PRKCG: variants seen among roughly 807,000 people sequenced by gnomAD.
The protein encoded by PRKCG is protein kinase C gamma.
PRKCG carries 28 observed loss-of-function variants against 82.0 expected under a neutral mutation model. The observed-to-expected ratio is 0.34, with a 90% confidence interval of 0.25 to 0.47. PRKCG has a LOEUF of 0.47. Ranked by LOEUF, PRKCG falls within the 20% of genes least tolerant of loss-of-function variation. The pLI is 1.00. For synonymous variants in PRKCG, 383 were observed against 376.6 expected (o/e 1.02, Z -0.20); for missense variants, 640 against 952.7 (o/e 0.67, Z 4.32).
Position 53,906,389 on chromosome 19 carries a change from T to C in PRKCG, c.1837T>C (p.Phe613Leu). Reference sequence around the variant, plus strand: ...GGAACCTACCATCCGTGCACATGGCTTTTTCCGCTGGATTGACTGGGAGCG... The same window carrying C: ...GGAACCTACCATCCGTGCACATGGCCTTTTCCGCTGGATTGACTGGGAGCG... ...DGEPTIRAHG[F>L]FRWIDWERLE... Residue 613 changes from phenylalanine (F) to leucine (L), a missense_variant, in exon 17 of 18, where the codon TTT becomes CTT. This residue lies in a region of PRKCG where 198 missense variants were observed against 273.4 expected (regional missense o/e 0.72). Coordinates refer to ENST00000263431, the MANE Select transcript of PRKCG (RefSeq NM_002739.5). The C allele has an allele frequency of 6.4e-7, 1 of 1,564,346 alleles. No homozygotes were observed. The highest frequency in any genetic ancestry group is 8.7e-7 in the Non-Finnish European group (1 of 1,153,500).
intron 3 of PRKCG, among the ~76,000 whole-genome samples, chr19:53,887,921 C>T (rs891007933): frequency 6.6e-6 from 1 of 151,634 alleles, no homozygotes; most frequent in African/African-American, 2.4e-5. Context: ...CCCCACTTTT[C>T]AAGCGGTAAA....
intron 15 of PRKCG, among the ~76,000 whole-genome samples, chr19:53,903,836 A>G (rs1332808108): frequency 6.6e-6 from 1 of 152,228 alleles, no homozygotes; most frequent in Non-Finnish European, 1.5e-5. Context: ...ACTAAATTCA[A>G]TGTATACAGT....
intron 5 of PRKCG, among the ~76,000 whole-genome samples, chr19:53,890,595 T>G (rs1420082638): frequency 2.0e-5 from 3 of 151,586 alleles, no homozygotes. Context: ...TATGTTTATT[T>G]TTTTGAGATG....
At position 53,906,337 on chromosome 19, in the gene PRKCG, G is replaced by A. The variant is rs1304434902; in HGVS notation, c.1785G>A (p.Gly595=). ...CACAGTTCCTGACCAAGCACCCAGGGAAGCGCCTGGGCTCAGGGCCTGATG... is the reference window on the plus strand; with the variant it reads ...CACAGTTCCTGACCAAGCACCCAGGAAAGCGCCTGGGCTCAGGGCCTGATG... ...ICKGFLTKHP[G]KRLGSGPDGE... is the part of the protein sequence containing the mutation. Residue 595 remains glycine (G), a synonymous_variant, in exon 17 of 18, where the codon GGG becomes GGA. Transcript: ENST00000263431. The A allele has an allele frequency of 6.4e-7, 1 of 1,551,538 alleles. No individual in the cohort carries two copies. Among genetic ancestry groups the A allele is most frequent in the South Asian group, 1.2e-5 (1 of 84,062 alleles).
rs1171032240 is a variant in PRKCG, at chr19:53,906,796, C to T, written c.1995C>T (p.Ile665=). ...CAGACCGCCTAGTCCTGGCCAGCAT[C>T]GACCAGGCCGATTTCCAGGGCTTCA... The part of the protein sequence containing the change: ...TPPDRLVLAS[I]DQADFQGFTY... The change falls in exon 18 of 18, where the codon ATC becomes ATT. Residue 665 remains isoleucine (I), a synonymous_variant. Coordinates refer to ENST00000263431, the MANE Select transcript of PRKCG (RefSeq NM_002739.5). The T allele has an allele frequency of 6.2e-7, 1 of 1,613,738 alleles. No individual in the cohort carries two copies. The highest frequency in any genetic ancestry group is 1.1e-5 in the South Asian group (1 of 91,082).
At chr19:53,906,262 A>G (rs1317915877) in intron 16 of PRKCG, 55 bp from the exon 17 acceptor site, 1 of 1,545,910 alleles carries the variant, frequency 6.5e-7, no homozygotes, top group Non-Finnish European at 8.7e-7. Flanking sequence ...CTCTGGGTCT[A>G]CCTGTCCGGC....
Position 53,900,198 on chromosome 19 carries a change from G to T in PRKCG, c.1282-35G>T. The T allele has an allele frequency of 1.9e-6, 3 of 1,584,108 alleles. No individual in the cohort carries two copies. The highest frequency in any genetic ancestry group is 2.6e-6 in the Non-Finnish European group (3 of 1,152,838). The stretch of plus-strand genomic sequence containing the variant: ...AGAAATTCTCCTACTCTGGGTAGAT[G>T]GATCCCGCCTCTAAGCCCATGCACT... On this transcript the variant is annotated intron_variant, in intron 11 of 17. Coordinates refer to ENST00000263431, the MANE Select transcript of PRKCG (RefSeq NM_002739.5). The surrounding 1 kb of genome is among the most constrained non-coding windows in gnomAD (Gnocchi z 4.2).
intron 14 of PRKCG, among the ~76,000 whole-genome samples, 170 bp from the exon 15 acceptor site, chr19:53,902,903 A>AG (rs1568761819): frequency 2.6e-5 from 4 of 151,132 alleles, no homozygotes; most frequent in Non-Finnish European, 1.5e-5. Context: ...AAAAAAAAAA[A>AG]AAAAAAAAAA....
rs1599938390 is a variant in PRKCG at position 53,884,036 on chromosome 19, A to G, written c.203-125A>G. 1.1e-6 allele frequency: 1 copy of G among 891,744 alleles called. No individual in the cohort carries two copies. Among genetic ancestry groups the G allele is most frequent in the Non-Finnish European group, 1.8e-6 (1 of 551,066 alleles). The allele number at this position is 891,744 out of a possible 1,614,324, so 55.2% of individuals were successfully genotyped here. ...TCTCTGTTGGACTCTCTGTGTTGAG[A>G]TCCCTCTCTTTCTGGTTTTCTCAGT... On this transcript the variant is annotated intron_variant, in intron 2 of 17. Coordinates refer to ENST00000263431, the MANE Select transcript of PRKCG (RefSeq NM_002739.5). The surrounding 1 kb of genome is among the most constrained non-coding windows in gnomAD (Gnocchi z 4.6).
At chr19:53,895,487 CA>C (rs760577483) in intron 9 of PRKCG, among the ~76,000 whole-genome samples, 10,423 of 62,926 alleles carry the variant, frequency 0.17, 597 homozygotes, top group African/African-American at 0.35. Flanking sequence ...GACTCTGTCT[CA>C]AAAAAAAAAA....
At chr19:53,902,397 G>T (rs552335260) in intron 14 of PRKCG, among the ~76,000 whole-genome samples, 8 of 152,276 alleles carry the variant, frequency 5.3e-5, no homozygotes, top group African/African-American at 1.9e-4. Flanking sequence ...CTGGGCTACA[G>T]AGTGAGACTC....
intron 14 of PRKCG, among the ~76,000 whole-genome samples, chr19:53,901,772 C>T (rs1262776044): frequency 1.5e-4 from 22 of 148,296 alleles, no homozygotes; most frequent in Admixed American, 1.5e-3. Context: ...ATTACTTGAA[C>T]CCGGGAGGTG....
chr19:53,900,235 C>T lies in PRKCG; in HGVS notation c.1284C>T (p.Asp428=), dbSNP rs147817906. The T allele has an allele frequency of 2.8e-4, 447 of 1,613,896 alleles. No individual in the cohort carries two copies. The highest frequency in any genetic ancestry group is 3.7e-4 in the Non-Finnish European group (432 of 1,179,916). Reference sequence around the variant, plus strand: ...TAAGCCCATGCACTTCTCCGCAGGACCGCCTGTATTTCGTGATGGAGTACG... The same window carrying T: ...TAAGCCCATGCACTTCTCCGCAGGATCGCCTGTATTTCGTGATGGAGTACG... The part of the protein sequence containing the change: ...TQLHSTFQTP[D]RLYFVMEYVT... Residue 428 remains aspartate, a splice_region_variant and synonymous_variant, in exon 12 of 18, where the codon GAC becomes GAT. Coordinates refer to ENST00000263431, the MANE Select transcript of PRKCG (RefSeq NM_002739.5). This position sits in a 1 kb window ranked among gnomAD's most constrained non-coding sequence, Gnocchi z 4.2.
In PRKCG at chr19:53,898,438, A is replaced by G; in HGVS notation, c.1093-2A>G. ...CTGGCCCTTTTGGAACTGTGCGCAT[A>G]GGTGATGCTGGCCGAGCGCAGGGGC... On this transcript the variant is annotated splice_acceptor_variant, in intron 10 of 17. Coordinates refer to ENST00000263431, the MANE Select transcript of PRKCG (RefSeq NM_002739.5). LOFTEE classifies it high-confidence loss of function. 1 of 1,613,998 alleles carries G rather than the reference A, an allele frequency of 6.2e-7. No homozygotes were observed. Among genetic ancestry groups the G allele is most frequent in the Non-Finnish European group, 8.5e-7 (1 of 1,180,020 alleles).
intron 3 of PRKCG, among the ~76,000 whole-genome samples, chr19:53,887,781 G>A (rs2068642527): frequency 7.3e-6 from 1 of 136,068 alleles, no homozygotes; most frequent in Non-Finnish European, 1.5e-5. Flanking sequence ...AGTGAGCCGA[G>A]ATCACACCAC....
At chr19:53,886,268 C>T (rs1409427197) in intron 3 of PRKCG, among the ~76,000 whole-genome samples, 2 of 151,426 alleles carry the variant, frequency 1.3e-5, no homozygotes, top group Non-Finnish European at 2.9e-5. Context: ...CCACCATGGC[C>T]GGCTAATTTT....
Position 53,900,668 on chromosome 19 carries a change from C to T in PRKCG, c.1494C>T (p.Asp498=), listed in dbSNP as rs2068756873. The change falls in exon 14 of 18, where the codon GAC becomes GAT. Residue 498 remains aspartate (D), a synonymous_variant. Coordinates refer to ENST00000263431, the MANE Select transcript of PRKCG (RefSeq NM_002739.5). The surrounding 1 kb of genome is among the most constrained non-coding windows in gnomAD (Gnocchi z 4.2). ...LDAEGHIKIT[D]FGMCKENVFP... is the part of the protein sequence containing the mutation. ...CTGAGGGACACATCAAGATCACTGA[C>T]TTTGGCATGTGTAAGGAGAACGTCT... 1 of 1,614,258 alleles carries T rather than the reference C, an allele frequency of 6.2e-7. No individual in the cohort carries two copies.
At chr19:53,903,183 G>C in intron 15 of PRKCG, 30 bp downstream of exon 15, 1 of 1,582,526 alleles carries the variant, frequency 6.3e-7, no homozygotes, top group Non-Finnish European at 8.7e-7. Flanking sequence ...AGCTGGCTTG[G>C]CTAAAAGAGA....
chr19:53,883,320 G>A lies in PRKCG; in HGVS notation c.202+126G>A. 1 of 1,195,068 alleles carries A rather than the reference G, an allele frequency of 8.4e-7. No homozygotes were observed. Among genetic ancestry groups the A allele is most frequent in the Non-Finnish European group, 1.2e-6 (1 of 824,098 alleles). 74.0% of individuals were successfully genotyped at this position (1,195,068 alleles called of 1,614,324 possible). A position where few individuals can be genotyped will look rare whatever the true frequency, so the allele number is the denominator to read the frequency against. On this transcript the variant is annotated intron_variant, in intron 2 of 17. Coordinates refer to ENST00000263431, the MANE Select transcript of PRKCG (RefSeq NM_002739.5). This position sits in a 1 kb window ranked among gnomAD's most constrained non-coding sequence, Gnocchi z 5.4. Reference sequence around the variant, plus strand: ...AGGCGCGGGGGAGCCCGGGGCGGGGGGTGTGGCAGAGACACAGCCTGTGGT... The same window carrying A: ...AGGCGCGGGGGAGCCCGGGGCGGGGAGTGTGGCAGAGACACAGCCTGTGGT...
Sources: gnomAD v4.1 joint callset for allele counts (sites outside exome capture counted in the v4.1 genomes callset) on GRCh38, gnomAD v4.1.1 for gene constraint, gnomAD v4.1.1 regional missense constraint, Gnocchi (gnomAD v3.1) non-coding constraint, MANE v1.5 for transcripts, NCBI Gene and HGNC (gene_info 2026-07-23, HGNC 2026-07-21) for gene names.